CALD1: variants seen among roughly 807,000 people sequenced by gnomAD.
CALD1 encodes caldesmon 1, also known as caldesmon.
In CALD1, 33 loss-of-function variants were observed where a neutral mutation model predicts 99.9. The ratio of observed to expected loss-of-function variants is 0.33; its 90% CI spans 0.25 to 0.44. The LOEUF (loss-of-function observed/expected upper bound fraction) is 0.44. Among genes scored for constraint, CALD1 ranks in the 20% least tolerant of loss-of-function variants. CALD1 has a pLI of 1.00. For missense variants in CALD1, 861 were observed against 962.1 expected (o/e 0.89, Z 1.39); for synonymous variants, 310 against 325.0 (o/e 0.95, Z 0.50).
chr7:134,737,121 T>C, the CALD1 span, among the ~76,000 whole-genome samples: 1 of 152,180 alleles, frequency 6.6e-6, no homozygotes, highest in African/African-American at 2.4e-5. Context: ...TGGCTAATGG[T>C]AACTACATAT....
Position 134,783,781 on chromosome 7 carries a change from A to C in CALD1, c.-130+4032A>C, listed in dbSNP as rs552871442. Among the ~76,000 whole-genome samples, 4 of 152,328 alleles carry C rather than the reference A, an allele frequency of 2.6e-5. No individual in the cohort carries two copies. The highest frequency in any genetic ancestry group is 6.5e-5 in the Admixed American group (1 of 15,304). On this transcript the variant is annotated intron_variant, in intron 1 of 14. Transcript: ENST00000361675. The surrounding 1 kb of genome is among the most constrained non-coding windows in gnomAD (Gnocchi z 4.3). ...GGGGTCAGATCTGGATTCCCATAGA[A>C]GACAAGGGTGGATGGGATCAGAACA...
At chr7:134,922,816 T>A (rs1473978924) in intron 3 of CALD1, among the ~76,000 whole-genome samples, 1 of 152,252 alleles carries the variant, frequency 6.6e-6, no homozygotes, top group Non-Finnish European at 1.5e-5. Context: ...AAAACATGGT[T>A]ATCTTGTTAC....
At chr7:134,900,531 C>T (rs1023094331) in intron 3 of CALD1, among the ~76,000 whole-genome samples, 3 of 152,202 alleles carry the variant, frequency 2.0e-5, no homozygotes, top group Admixed American at 6.5e-5. Flanking sequence ...TCTCAACGCC[C>T]CTCCTGCTAC....
chr7:134,770,658 A>G (rs1448047572), intron 1 of CALD1, among the ~76,000 whole-genome samples: 11 of 152,156 alleles, frequency 7.2e-5, no homozygotes, highest in Non-Finnish European at 1.6e-4. Flanking sequence ...GTATGACTTC[A>G]TATTGAGATC....
At chr7:134,875,805 T>C (rs1801321177) in intron 3 of CALD1, among the ~76,000 whole-genome samples, 3 of 152,242 alleles carry the variant, frequency 2.0e-5, no homozygotes, top group South Asian at 4.1e-4. Context: ...CTTATATGTG[T>C]AGGCAAAGTC....
At chr7:134,782,676 G>A (rs1797152550) in intron 1 of CALD1, among the ~76,000 whole-genome samples, 1 of 152,190 alleles carries the variant, frequency 6.6e-6, no homozygotes, top group Admixed American at 6.5e-5. Context: ...ACGTCCAAAT[G>A]AGATGAAGCT....
chr7:134,731,970 T>G, the CALD1 span, among the ~76,000 whole-genome samples: 1 of 152,220 alleles, frequency 6.6e-6, no homozygotes, highest in Admixed American at 6.5e-5. Flanking sequence ...TGGCACCAGC[T>G]CAAAAGATTG....
At chr7:134,800,015 C>T (rs1797885437) in intron 1 of CALD1, among the ~76,000 whole-genome samples, 1 of 151,878 alleles carries the variant, frequency 6.6e-6, no homozygotes, top group African/African-American at 2.4e-5. Context: ...ATTAGTTAAC[C>T]TATAGAGGAA....
chr7:134,823,947 T>C (rs1199339193), intron 1 of CALD1, among the ~76,000 whole-genome samples: 1 of 152,208 alleles, frequency 6.6e-6, no homozygotes, highest in Non-Finnish European at 1.5e-5. Flanking sequence ...TATGATTTTT[T>C]AAATTGCCAC....
At chr7:134,922,224 G>A (rs1159403833) in intron 3 of CALD1, among the ~76,000 whole-genome samples, 1 of 152,068 alleles carries the variant, frequency 6.6e-6, no homozygotes, top group Admixed American at 6.5e-5. Context: ...GACTTAAACT[G>A]TTCTTTTTCA....
intron 1 of CALD1, among the ~76,000 whole-genome samples, chr7:134,814,823 A>G (rs1003368059): frequency 6.6e-6 from 1 of 152,202 alleles, no homozygotes; most frequent in African/African-American, 2.4e-5. Flanking sequence ...TTAACACTCA[A>G]CAGAGTCAAG....
intron 1 of CALD1, among the ~76,000 whole-genome samples, chr7:134,782,495 C>G (rs923745885): frequency 2.0e-5 from 3 of 152,184 alleles, no homozygotes; most frequent in African/African-American, 7.2e-5. Flanking sequence ...TAAAGAGAAA[C>G]TTTTGGCACA....
At chr7:134,744,499 AGAAT>A (rs1796618000) in intron 1 of CALD1, 2 of 149,946 alleles carry the variant, frequency 1.3e-5, no homozygotes, top group East Asian at 2.0e-4. Flanking sequence ...ATGTGCAGAA[AGAAT>A]GAGAGAGAGC....
At chr7:134,960,474 T>C (rs772840619) in intron 12 of CALD1, 59 bp from the exon 13 acceptor site, 11 of 998,932 alleles carry the variant, frequency 1.1e-5, no homozygotes, top group Non-Finnish European at 1.7e-5. Flanking sequence ...CTTTGAAAAT[T>C]CCTTCCCAGG....
intron 1 of CALD1, among the ~76,000 whole-genome samples, chr7:134,799,681 G>A (rs757125225): frequency 1.1e-4 from 17 of 152,098 alleles, no homozygotes; most frequent in Non-Finnish European, 2.2e-4. Context: ...AAGCAAACAC[G>A]TGTCATTCGG....
At chr7:134,756,046 A>C (rs1457091521) in intron 1 of CALD1, among the ~76,000 whole-genome samples, 1 of 152,074 alleles carries the variant, frequency 6.6e-6, no homozygotes, top group African/African-American at 2.4e-5. Context: ...CTCTACCACC[A>C]TGCCCTGCTA....
At chr7:134,757,893 A>AAAATAC (rs199754204) in intron 1 of CALD1, among the ~76,000 whole-genome samples, 1,700 of 148,802 alleles carry the variant, frequency 0.011, 49 homozygotes, top group African/African-American at 0.039. Flanking sequence ...AATAAAAATA[A>AAAATAC]AAAAAAAAAG....
chr7:134,775,765 T>C (rs781348034), upstream of CALD1, among the ~76,000 whole-genome samples: 4 of 151,944 alleles, frequency 2.6e-5, no homozygotes, highest in Admixed American at 6.6e-5. Context: ...GAGGAGAATA[T>C]ATATCTTTAC....
intron 1 of CALD1, among the ~76,000 whole-genome samples, chr7:134,797,123 G>A (rs1797775977): frequency 6.6e-6 from 1 of 151,918 alleles, no homozygotes; most frequent in Non-Finnish European, 1.5e-5. Context: ...CTCCCAAGTA[G>A]CTGGGGCTAC....
Sources: gnomAD v4.1 joint callset for allele counts (sites outside exome capture counted in the v4.1 genomes callset) on GRCh38, gnomAD v4.1.1 for gene constraint, Gnocchi (gnomAD v3.1) non-coding constraint, MANE v1.5 for transcripts, NCBI Gene and HGNC (gene_info 2026-07-23, HGNC 2026-07-21) for gene names.